VWA8: variants seen among roughly 807,000 people sequenced by gnomAD.
The protein encoded by VWA8 is von Willebrand factor A domain-containing protein 8.
In VWA8, 221 loss-of-function variants were observed where a neutral mutation model predicts 241.5. The ratio of observed to expected loss-of-function variants is 0.91; its 90% CI spans 0.82 to 1.02. VWA8 has a LOEUF of 1.02. VWA8 is among the 50% of genes least tolerant of loss of function. VWA8 has a pLI of 0.00. For synonymous variants in VWA8, 852 were observed against 827.1 expected (o/e 1.03, Z -0.52); for missense variants, 2,322 against 2,328.7 (o/e 1.00, Z 0.06).
chr13:41,901,889 A>ATATAT (rs1367001978), intron 4 of VWA8, among the ~76,000 whole-genome samples: 1 of 83,342 alleles, frequency 1.2e-5, no homozygotes, highest in African/African-American at 5.0e-5. Flanking sequence ...AAAAAAAAAA[A>ATATAT]ATATATATAT....
chr13:41,699,117 G>T lies in VWA8; in HGVS notation c.3518C>A (p.Pro1173Gln). The change falls in exon 29 of 45, where the codon CCG becomes CAG. Residue 1173 changes from proline to glutamine, a missense_variant. Transcript: ENST00000379310. ...GVWHPFVTVAPLGSPLKGQVV... is the reference protein window; with the variant it reads ...GVWHPFVTVAQLGSPLKGQVV... ...TTGACCTTTGAGAGGACTTCCCAGC[G>T]GTGCCACTGTCACAAAAGGGTGCCA... 6.2e-7 allele frequency: 1 copy of T among 1,613,998 alleles called. No individual in the cohort carries two copies. Among genetic ancestry groups the T allele is most frequent in the Non-Finnish European group, 8.5e-7 (1 of 1,179,926 alleles).
At chr13:41,818,876 G>T (rs572603242) in intron 15 of VWA8, among the ~76,000 whole-genome samples, 1 of 152,276 alleles carries the variant, frequency 6.6e-6, no homozygotes, top group East Asian at 1.9e-4. Context: ...AAAGAGGAGA[G>T]ACAGGCCACA....
chr13:41,814,868 A>C (rs1870619967), intron 16 of VWA8, among the ~76,000 whole-genome samples: 1 of 152,066 alleles, frequency 6.6e-6, no homozygotes, highest in Non-Finnish European at 1.5e-5. Context: ...CAAAGAAAAA[A>C]CCCCTGCAAT....
intron 9 of VWA8, among the ~76,000 whole-genome samples, chr13:41,881,372 CGGGGGGGGGG>C (rs756711531): frequency 0.014 from 115 of 8,300 alleles, 37 homozygotes; most frequent in East Asian, 0.052. Flanking sequence ...TTTTTTTTGC[CGGGGGGGGGG>C]GGGGGGGGGT....
chr13:41,719,590 C>T lies in VWA8; in HGVS notation c.3116+1G>A, dbSNP rs761917924. On this transcript the variant is annotated splice_donor_variant, in intron 26 of 44. Coordinates refer to ENST00000379310, the MANE Select transcript of VWA8 (RefSeq NM_015058.2). LOFTEE classifies it high-confidence loss of function. ...TCAGAAGAGTACTGAATTTGCCTTA[C>T]TCCTTTGCCAGCTGCACACTGGTAG... 2 of 1,612,780 alleles carry T rather than the reference C, an allele frequency of 1.2e-6. No homozygotes were observed. Among genetic ancestry groups the T allele is most frequent in the Admixed American group, 1.7e-5 (1 of 59,866 alleles).
intron 37 of VWA8, among the ~76,000 whole-genome samples, chr13:41,656,867 A>AAAT (rs1258325848): frequency 8.5e-5 from 13 of 152,172 alleles, no homozygotes; most frequent in Non-Finnish European, 1.9e-4. Context: ...ATAAAAATAA[A>AAAT]AATCACATGG....
chr13:41,721,334 T>C (rs771346903), intron 25 of VWA8, 36 bp downstream of exon 25: 6 of 1,603,242 alleles, frequency 3.7e-6, no homozygotes, highest in Non-Finnish European at 5.1e-6. Flanking sequence ...AAAAAGAGAG[T>C]GATGGCTCTT....
chr13:41,689,144 T>C (rs915168397), intron 34 of VWA8, among the ~76,000 whole-genome samples: 2 of 152,256 alleles, frequency 1.3e-5, no homozygotes, highest in East Asian at 1.9e-4. Context: ...AATTCTATCA[T>C]TGCATTACGC....
chr13:41,568,522 A>C, intron 44 of VWA8: 1 of 460,504 alleles, frequency 2.2e-6, no homozygotes, highest in Non-Finnish European at 3.8e-6. Flanking sequence ...GGGAACTGAA[A>C]GAAAGGTCTT....
Position 41,699,287 on chromosome 13 carries a change from G to A in VWA8, c.3365-17C>T. On this transcript the variant is annotated splice_polypyrimidine_tract_variant and intron_variant, in intron 28 of 44. Transcript: ENST00000379310. The stretch of plus-strand genomic sequence containing the variant: ...GCTCATTTTCTGAAATGACAAAAAG[G>A]TGTTAATTTTGTGGCTGGCAACCAA... 1 of 1,612,798 alleles carries A rather than the reference G, an allele frequency of 6.2e-7. No individual in the cohort carries two copies.
intron 16 of VWA8, among the ~76,000 whole-genome samples, chr13:41,812,689 A>G (rs746950649): frequency 2.0e-5 from 3 of 152,134 alleles, no homozygotes; most frequent in Admixed American, 1.3e-4. Flanking sequence ...TTAGTATTCT[A>G]TCTCAGCTAC....
chr13:41,794,329 C>T (rs533996098), intron 17 of VWA8, among the ~76,000 whole-genome samples: 1 of 152,172 alleles, frequency 6.6e-6, no homozygotes, highest in African/African-American at 2.4e-5. Context: ...GTTTGTAGTT[C>T]TCCTTGAAGA....
intron 2 of VWA8, among the ~76,000 whole-genome samples, chr13:41,944,104 C>CAAA (rs531812264): frequency 5.9e-5 from 8 of 135,268 alleles, no homozygotes; most frequent in East Asian, 4.5e-4. Context: ...GACTCTGTCT[C>CAAA]AAAAAATAAT....
chr13:41,696,011 T>G (rs1185402875), intron 29 of VWA8: 1 of 152,188 alleles, frequency 6.6e-6, no homozygotes, highest in African/African-American at 2.4e-5. Context: ...ATTCCAAATG[T>G]AGTCTCATCC....
At chr13:41,585,948 T>C (rs532710021) in intron 42 of VWA8, among the ~76,000 whole-genome samples, 2 of 149,552 alleles carry the variant, frequency 1.3e-5, no homozygotes, top group South Asian at 4.2e-4. Context: ...AAATTCAAGA[T>C]CCATAAAACA....
intron 20 of VWA8, among the ~76,000 whole-genome samples, chr13:41,771,339 T>C (rs2045821568): frequency 6.6e-6 from 1 of 152,142 alleles, no homozygotes; most frequent in African/African-American, 2.4e-5. Context: ...GCCAGGCTGG[T>C]CTCAAACTCC....
rs772522331 is a variant in VWA8 at position 41,784,729 on chromosome 13, T to TATATATATATATAC, written c.2171-829_2171-828insGTATATATATATAT. ...ATATATATATATATATATATATATA[T>TATATATATATATAC]ACACACACATATATATATATATATA... On this transcript the variant is annotated intron_variant, in intron 18 of 44. Coordinates refer to ENST00000379310, the MANE Select transcript of VWA8 (RefSeq NM_015058.2). 1.6e-3 allele frequency among the ~76,000 whole-genome samples: 95 copies of TATATATATATATAC among 60,064 alleles called. 1 individual carries two copies. Among genetic ancestry groups the TATATATATATATAC allele is most frequent in the African/African-American group, 4.3e-3 (77 of 17,932 alleles). 39.4% of individuals were successfully genotyped at this position (60,064 alleles called of 152,430 possible).
intron 37 of VWA8, among the ~76,000 whole-genome samples, chr13:41,619,930 T>C (rs912049299): frequency 6.6e-6 from 1 of 152,318 alleles, no homozygotes; most frequent in Admixed American, 6.5e-5. Flanking sequence ...TCTAAAATTC[T>C]CTGTTTTTGT....
chr13:41,777,850 G>A, intron 20 of VWA8, 135 bp downstream of exon 20: 1 of 667,798 alleles, frequency 1.5e-6, no homozygotes, highest in Non-Finnish European at 2.5e-6. Context: ...TTAGAAGGTA[G>A]CAGAGTCTCA....
Sources: allele counts gnomAD v4.1 joint callset (sites outside exome capture counted in the v4.1 genomes callset), GRCh38; gene constraint gnomAD v4.1.1; transcripts MANE v1.5; gene names NCBI Gene and HGNC (gene_info 2026-07-23, HGNC 2026-07-21).